CLMN: variants seen among roughly 807,000 people sequenced by gnomAD.
The protein encoded by CLMN is calmin.
CLMN carries 57 observed loss-of-function variants against 92.7 expected under a neutral mutation model. That is an observed-to-expected ratio of 0.61 (90% CI 0.50 to 0.77). The LOEUF (loss-of-function observed/expected upper bound fraction) is 0.77, where lower values mean the gene tolerates loss of function less well. Ranked by LOEUF, CLMN falls within the 30% of genes least tolerant of loss-of-function variation. The pLI is 0.00. For missense variants in CLMN, 1,158 were observed against 1,237.5 expected, an observed-to-expected ratio of 0.94 and a Z score of 0.96; for synonymous variants, 466 against 470.6, an observed-to-expected ratio of 0.99 and a Z score of 0.13.
intron 8 of CLMN, among the ~76,000 whole-genome samples, chr14:95,207,377 C>G (rs1268158551): frequency 6.6e-6 from 1 of 152,128 alleles, no homozygotes; most frequent in Admixed American, 6.5e-5. Flanking sequence ...GCTTCAGCCT[C>G]CCAAAGTGTT....
chr14:95,263,495 G>A (rs1899342337), intron 1 of CLMN, among the ~76,000 whole-genome samples: 1 of 152,190 alleles, frequency 6.6e-6, no homozygotes, highest in Non-Finnish European at 1.5e-5. Context: ...CACTGATGAG[G>A]GAATGAAGTA....
intron 4 of CLMN, among the ~76,000 whole-genome samples, chr14:95,220,952 G>A (rs879284685): frequency 6.6e-6 from 1 of 152,214 alleles, no homozygotes; most frequent in African/African-American, 2.4e-5. Flanking sequence ...GGTCTTTCAA[G>A]TCATTCTGTG....
At chr14:95,264,194 T>C (rs1046949602) in intron 1 of CLMN, among the ~76,000 whole-genome samples, 1 of 151,966 alleles carries the variant, frequency 6.6e-6, no homozygotes, top group African/African-American at 2.4e-5. Flanking sequence ...CATGCATCAA[T>C]ATGCCTGGCT....
At chr14:95,286,062 A>G (rs765494323) in intron 1 of CLMN, among the ~76,000 whole-genome samples, 19 of 152,230 alleles carry the variant, frequency 1.2e-4, no homozygotes, top group Non-Finnish European at 2.2e-4. Context: ...ATCAAATGTC[A>G]GGCTGAAAAA....
intron 1 of CLMN, among the ~76,000 whole-genome samples, chr14:95,299,695 G>C (rs970139996): frequency 1.3e-5 from 2 of 152,186 alleles, no homozygotes; most frequent in African/African-American, 4.8e-5. Flanking sequence ...TAAGCTGTGT[G>C]ATCATCACCC....
rs1220298617 is a variant in CLMN, at chr14:95,182,296, A to C, written c.*9268T>G. ...AAAAACTTTCAGACATAGTCAATTA[A>C]GCCCTGCACAATAAGGAAACATTCA... On this transcript the variant is annotated 3_prime_UTR_variant, in exon 13 of 13. Coordinates refer to ENST00000298912, the MANE Select transcript of CLMN (RefSeq NM_024734.4). The C allele has an allele frequency of 6.6e-6, 1 of 152,234 alleles. No homozygotes were observed. The highest frequency in any genetic ancestry group is 1.5e-5 in the Non-Finnish European group (1 of 68,042). 9.4% of individuals were successfully genotyped at this position (152,234 alleles called of 1,614,324 possible). A position where few individuals can be genotyped will look rare whatever the true frequency, so the allele number is the denominator to read the frequency against.
rs1896394959 is a variant in CLMN at position 95,184,438 on chromosome 14, G to A, written c.*7126C>T. 1 of 152,248 alleles carries A rather than the reference G, an allele frequency of 6.6e-6. No homozygotes were observed. Among genetic ancestry groups the A allele is most frequent in the South Asian group, 2.1e-4 (1 of 4,834 alleles). The allele number at this position is 152,248 out of a possible 1,614,324, so 9.4% of individuals were successfully genotyped here. A position where few individuals can be genotyped will look rare whatever the true frequency, so the allele number is the denominator to read the frequency against. On this transcript the variant is annotated 3_prime_UTR_variant, in exon 13 of 13. Coordinates refer to ENST00000298912, the MANE Select transcript of CLMN (RefSeq NM_024734.4). The stretch of plus-strand genomic sequence containing the variant: ...AGTGCGATTGAGGCCGTGGATTGTT[G>A]AGGCATGTGTATATTTAAAAACAAC...
chr14:95,220,168 C>CCTT (rs1897484591), intron 4 of CLMN, among the ~76,000 whole-genome samples: 1 of 85,460 alleles, frequency 1.2e-5, no homozygotes, highest in Admixed American at 1.1e-4. Flanking sequence ...TGGATAGGTC[C>CCTT]CTTTTTTTTT....
chr14:95,315,480 C>T (rs919026994), intron 1 of CLMN, among the ~76,000 whole-genome samples: 3 of 152,138 alleles, frequency 2.0e-5, no homozygotes, highest in African/African-American at 4.8e-5. Context: ...TCAGTGACTG[C>T]GGAGTCCAAG....
In CLMN at chr14:95,245,218, ATATATATTATATATATATAT is replaced by A. The variant is rs1566891044; in HGVS notation, c.83-15105_83-15086del. ...TAATATATATATATATTATATATAT[ATATATATTATATATATATAT>A]TATATATATATATATAATATATATA... On this transcript the variant is annotated intron_variant, in intron 1 of 12. Coordinates refer to ENST00000298912, the MANE Select transcript of CLMN (RefSeq NM_024734.4). Among the ~76,000 whole-genome samples the A allele has an allele frequency of 4.3e-3, 127 of 29,490 alleles. 10 individuals carry two copies. The highest frequency in any genetic ancestry group is 0.019 in the Middle Eastern group (1 of 54). The allele number at this position is 29,490 out of a possible 152,430, so 19.3% of individuals were successfully genotyped here.
At chr14:95,209,787 G>T (rs544431947) in intron 7 of CLMN, among the ~76,000 whole-genome samples, 1 of 152,188 alleles carries the variant, frequency 6.6e-6, no homozygotes, top group African/African-American at 2.4e-5. Flanking sequence ...GGGCAAGGAC[G>T]GTGAACCAGG....
intron 2 of CLMN, among the ~76,000 whole-genome samples, chr14:95,224,443 C>T (rs529753559): frequency 3.0e-4 from 46 of 152,022 alleles, no homozygotes; most frequent in Admixed American, 2.9e-3. Context: ...CCAGCATGAC[C>T]GGCTAATTTT....
At chr14:95,224,494 T>G (rs1566878198) in intron 2 of CLMN, among the ~76,000 whole-genome samples, 2 of 151,914 alleles carry the variant, frequency 1.3e-5, no homozygotes, top group Non-Finnish European at 2.9e-5. Context: ...TGTTGGCCAG[T>G]CTGGTCTCGA....
chr14:95,209,541 G>C, intron 7 of CLMN, 64 bp from the exon 8 acceptor site: 1 of 1,275,910 alleles, frequency 7.8e-7, no homozygotes, highest in Non-Finnish European at 1.1e-6. Flanking sequence ...TAGTATTCCC[G>C]GATGCCTGAT....
chr14:95,203,359 T>G lies in CLMN; in HGVS notation c.1990A>C (p.Lys664Gln). The change falls in exon 9 of 13, where the codon AAG (lysine) becomes CAG (glutamine). Residue 664 changes from lysine (K) to glutamine (Q), a missense_variant. By Grantham distance (53) the Lys-to-Gln change is moderately conservative (BLOSUM62 1). Coordinates refer to ENST00000298912, the MANE Select transcript of CLMN (RefSeq NM_024734.4). ...TCCTCATAATGAGGACGGGTGGACT[T>G]TCTCTTGGCCTTTTCATGCACCTCT... ...KPEVHEKAKR[K>Q]STRPHYEEEG... is the part of the protein sequence containing the mutation. 1 of 1,614,086 alleles carries G rather than the reference T, an allele frequency of 6.2e-7. No homozygotes were observed.
Position 95,189,325 on chromosome 14 carries a change from T to A in CLMN, c.*2239A>T, listed in dbSNP as rs1424383910. 6.6e-6 allele frequency: 1 copy of A among 152,248 alleles called. No homozygotes were observed. The highest frequency in any genetic ancestry group is 1.5e-5 in the Non-Finnish European group (1 of 68,036). The allele number at this position is 152,248 out of a possible 1,614,324, so 9.4% of individuals were successfully genotyped here. On this transcript the variant is annotated 3_prime_UTR_variant, in exon 13 of 13. Coordinates refer to ENST00000298912, the MANE Select transcript of CLMN (RefSeq NM_024734.4). ...CAGCGAGACTTAGGGGACTGCTAGT[T>A]CTTGTTAAAAGCCTTATTGTATTTC...
At position 95,294,467 on chromosome 14, in the gene CLMN, C is replaced by T. The variant is rs1373147181; in HGVS notation, c.82+25244G>A. On this transcript the variant is annotated intron_variant, in intron 1 of 12. Coordinates refer to ENST00000298912, the MANE Select transcript of CLMN (RefSeq NM_024734.4). The surrounding 1 kb of genome is among the most constrained non-coding windows in gnomAD (Gnocchi z 4.2). ...CCCAGTCTGGGCCAAGAGGCATCCG[C>T]GGGGAAGGATCCTGTCCAACAGAAA... Among the ~76,000 whole-genome samples, 4 of 152,176 alleles carry T rather than the reference C, an allele frequency of 2.6e-5. No homozygotes were observed. Among genetic ancestry groups the T allele is most frequent in the Non-Finnish European group, 2.9e-5 (2 of 68,034 alleles).
At chr14:95,251,399 T>C (rs920964895) in intron 1 of CLMN, among the ~76,000 whole-genome samples, 1 of 152,218 alleles carries the variant, frequency 6.6e-6, no homozygotes, top group East Asian at 1.9e-4. Flanking sequence ...TTGCACTCTT[T>C]AAAACACATT....
intron 1 of CLMN, among the ~76,000 whole-genome samples, chr14:95,292,443 C>CCCCCCCCCACCCCCACCT (rs1900610928): frequency 2.4e-5 from 3 of 124,600 alleles, no homozygotes; most frequent in Non-Finnish European, 5.3e-5. Context: ...CACCCCCACC[C>CCCCCCCCCACCCCCACCT]CCACCCCCAC....
Sources: allele counts gnomAD v4.1 joint callset (sites outside exome capture counted in the v4.1 genomes callset), GRCh38; gene constraint gnomAD v4.1.1; non-coding constraint Gnocchi (gnomAD v3.1); transcripts MANE v1.5; gene names NCBI Gene and HGNC (gene_info 2026-07-23, HGNC 2026-07-21).